Variants in CNTN6 observed in about 807,000 individuals in gnomAD.
CNTN6 encodes the protein contactin 6, also known as contactin-6.
CNTN6 carries 137 observed loss-of-function variants against 122.8 expected under a neutral mutation model. The observed-to-expected ratio is 1.12, with a 90% CI of 0.97 to 1.29. CNTN6 has a LOEUF of 1.29. Ranked by LOEUF, CNTN6 falls within the 50% of genes most tolerant of loss-of-function variation. CNTN6 has a pLI of 0.00. For missense variants in CNTN6, 1,634 were observed against 1,223.4 expected (o/e 1.34, Z -5.01); for synonymous variants, 570 against 426.0 (o/e 1.34, Z -4.16).
chr3:1,177,071 C>T (rs1479288000), intron 2 of CNTN6, among the ~76,000 whole-genome samples: 1 of 152,110 alleles, frequency 6.6e-6, no homozygotes, highest in Non-Finnish European at 1.5e-5. Context: ...TTAATCTAAT[C>T]CTGAGGAAAC....
chr3:1,273,721 A>G (rs1487637061), intron 4 of CNTN6, among the ~76,000 whole-genome samples: 1 of 152,220 alleles, frequency 6.6e-6, no homozygotes. Flanking sequence ...AGCTAACAGG[A>G]CTTGTGTGAC....
chr3:1,268,583 G>T (rs1038575769), intron 4 of CNTN6, among the ~76,000 whole-genome samples: 1 of 127,452 alleles, frequency 7.8e-6, no homozygotes, highest in Non-Finnish European at 1.6e-5. Flanking sequence ...CTCCAGCCTG[G>T]GCGACAGAGC....
chr3:1,352,479 A>G (rs1452839792), intron 12 of CNTN6, 28 bp downstream of exon 12: 7 of 1,607,680 alleles, frequency 4.4e-6, no homozygotes, highest in African/African-American at 1.3e-5. Flanking sequence ...TTTGTGCTTG[A>G]TGAACATTGT....
intron 3 of CNTN6, among the ~76,000 whole-genome samples, chr3:1,225,603 C>A (rs539344762): frequency 1.3e-5 from 2 of 151,672 alleles, no homozygotes; most frequent in Non-Finnish European, 2.9e-5. Flanking sequence ...GTCTAAAGAG[C>A]AAATTATCAA....
intron 2 of CNTN6, among the ~76,000 whole-genome samples, chr3:1,219,256 C>G (rs73002319): frequency 0.13 from 20,469 of 152,134 alleles, 1,753 homozygotes; most frequent in African/African-American, 0.25. Flanking sequence ...GATTATTTAA[C>G]TTCAAGAGCA....
chr3:1,240,477 G>T (rs115705637), intron 4 of CNTN6, among the ~76,000 whole-genome samples: 1 of 152,032 alleles, frequency 6.6e-6, no homozygotes, highest in African/African-American at 2.4e-5. Flanking sequence ...AATGCAATAC[G>T]ACCTCCCTCC....
intron 4 of CNTN6, among the ~76,000 whole-genome samples, chr3:1,256,121 G>C (rs3864025): frequency 0.29 from 43,858 of 151,912 alleles, 6,746 homozygotes; most frequent in South Asian, 0.43. Flanking sequence ...TCCTTCTGTC[G>C]TGGTCTCCTA....
At chr3:1,353,003 T>C (rs1204944770) in intron 12 of CNTN6, among the ~76,000 whole-genome samples, 1 of 151,768 alleles carries the variant, frequency 6.6e-6, no homozygotes, top group Admixed American at 6.6e-5. Flanking sequence ...ACTCATACAA[T>C]TTATAGAGAT....
intron 4 of CNTN6, among the ~76,000 whole-genome samples, chr3:1,231,827 A>AAAT (rs1363581207): frequency 6.6e-6 from 1 of 152,212 alleles, no homozygotes; most frequent in African/African-American, 2.4e-5. Context: ...ACCCTAAAAC[A>AAAT]AATTCAGCAG....
intron 1 of CNTN6, among the ~76,000 whole-genome samples, chr3:1,133,632 G>T (rs970416817): frequency 4.7e-5 from 7 of 150,352 alleles, no homozygotes; most frequent in Non-Finnish European, 7.4e-5. Flanking sequence ...GAGCCAGTCA[G>T]TGACTTTATT....
rs11918164 is a variant in CNTN6, at chr3:1,358,334, A to G, written c.1492+5883A>G. The stretch of plus-strand genomic sequence containing the variant: ...CACTTGTTTCTTGAGTTTTTAGTTA[A>G]GAATTGGAAATTTAGTAAATTTACC... On this transcript the variant is annotated intron_variant, in intron 12 of 22. Coordinates refer to ENST00000446702, the MANE Select transcript of CNTN6 (RefSeq NM_001289080.2). 3.2e-3 allele frequency among the ~76,000 whole-genome samples: 480 copies of G among 152,108 alleles called. 2 individuals are homozygous for G. Among genetic ancestry groups the G allele is most frequent in the African/African-American group, 0.011 (456 of 41,530 alleles).
intron 2 of CNTN6, among the ~76,000 whole-genome samples, chr3:1,220,333 C>A (rs2094190753): frequency 1.3e-5 from 2 of 151,822 alleles, no homozygotes; most frequent in African/African-American, 4.9e-5. Context: ...GAGACACTGT[C>A]TCTACAACAA....
At chr3:1,259,077 C>T (rs781392613) in intron 4 of CNTN6, among the ~76,000 whole-genome samples, 1 of 152,142 alleles carries the variant, frequency 6.6e-6, no homozygotes, top group Non-Finnish European at 1.5e-5. Context: ...GGGTTGCAGT[C>T]TGCAGAGCAC....
At chr3:1,106,475 G>A (rs1457843897) in intron 1 of CNTN6, among the ~76,000 whole-genome samples, 1 of 151,872 alleles carries the variant, frequency 6.6e-6, no homozygotes. Flanking sequence ...CTGAGGCCAG[G>A]TGTTCAAGAC....
chr3:1,175,300 A>G (rs187634139), intron 2 of CNTN6, among the ~76,000 whole-genome samples: 2 of 150,522 alleles, frequency 1.3e-5, no homozygotes, highest in African/African-American at 5.0e-5. Flanking sequence ...AGGAGTTCAA[A>G]TAACACTACC....
chr3:1,223,940 C>T (rs2094243391), intron 3 of CNTN6, among the ~76,000 whole-genome samples: 1 of 152,252 alleles, frequency 6.6e-6, no homozygotes, highest in African/African-American at 2.4e-5. Context: ...TTGCACACAT[C>T]GTATAATTTG....
At position 1,401,440 on chromosome 3, in the gene CNTN6, C is replaced by G. The variant is rs1415340870; in HGVS notation, c.2712C>G (p.Ser904Arg). The change falls in exon 21 of 23, where the codon AGC becomes AGG. Residue 904 changes from serine to arginine, a missense_variant. Ser to Arg is a moderately radical substitution (Grantham distance 110, BLOSUM62 -1). Transcript: ENST00000446702. ...VNVTTKKSPPSQPPANIAWKL... is the reference protein window; with the variant it reads ...VNVTTKKSPPRQPPANIAWKL... ...TTGATTATCTCTTTAAAGCTCCAAGCCAACCACCAGCAAACATTGCCTGGA... is the reference window on the plus strand; with the variant it reads ...TTGATTATCTCTTTAAAGCTCCAAGGCAACCACCAGCAAACATTGCCTGGA... 5 of 1,611,362 alleles carry G rather than the reference C, an allele frequency of 3.1e-6. No homozygotes were observed. The highest frequency in any genetic ancestry group is 4.2e-6 in the Non-Finnish European group (5 of 1,178,168).
At chr3:1,121,256 G>A (rs912209277) in intron 1 of CNTN6, among the ~76,000 whole-genome samples, 14 of 151,750 alleles carry the variant, frequency 9.2e-5, no homozygotes, top group African/African-American at 3.4e-4. Context: ...CAAATTGACA[G>A]GATCATTATT....
chr3:1,130,197 G>A (rs966690118), intron 1 of CNTN6, among the ~76,000 whole-genome samples: 5 of 151,976 alleles, frequency 3.3e-5, no homozygotes, highest in Non-Finnish European at 7.4e-5. Context: ...TTATTTCAAG[G>A]CCAATTTCTA....
Sources: allele counts gnomAD v4.1 joint callset (sites outside exome capture counted in the v4.1 genomes callset), GRCh38; gene constraint gnomAD v4.1.1; transcripts MANE v1.5; gene names NCBI Gene and HGNC (gene_info 2026-07-23, HGNC 2026-07-21).